CTCFL: variants seen among roughly 807,000 people sequenced by gnomAD.
The protein encoded by CTCFL is CCCTC-binding factor like.
Under a neutral mutation model 67.4 loss-of-function variants are expected in CTCFL, and 36 were observed. The observed-to-expected ratio is 0.53, with a 90% CI of 0.41 to 0.71. The LOEUF (loss-of-function observed/expected upper bound fraction) is 0.71. Ranked by LOEUF, CTCFL falls within the 30% of genes least tolerant of loss-of-function variation. The pLI, the probability that CTCFL is intolerant of heterozygous loss-of-function variation, is 0.00. For missense variants in CTCFL, 786 were observed against 835.2 expected (o/e 0.94, Z 0.73); for synonymous variants, 324 against 302.3 (o/e 1.07, Z -0.75).
chr20:57,519,490 C>A (rs2146429199), intron 3 of CTCFL, 113 bp from the exon 4 acceptor site: 6 of 867,226 alleles, frequency 6.9e-6, no homozygotes, highest in Non-Finnish European at 1.1e-5. Context: ...AACAATAGCA[C>A]ATGCTATTTA....
chr20:57,524,627 G>GCA (rs2146485417), intron 1 of CTCFL: 1 of 1,022,102 alleles, frequency 9.8e-7, no homozygotes, highest in Non-Finnish European at 1.2e-6. Context: ...CTCGGCCAGT[G>GCA]CATATCCTGG....
intron 7 of CTCFL, among the ~76,000 whole-genome samples, chr20:57,514,074 G>T (rs546653207): frequency 6.6e-6 from 1 of 152,302 alleles, no homozygotes; most frequent in East Asian, 1.9e-4. Context: ...CACGTTACAG[G>T]CCCGCCTCCT....
At chr20:57,508,410 G>T (rs1470864209) in intron 9 of CTCFL, among the ~76,000 whole-genome samples, 196 bp downstream of exon 9, 1 of 150,436 alleles carries the variant, frequency 6.6e-6, no homozygotes, top group Admixed American at 6.6e-5. Flanking sequence ...GGGATGAGGA[G>T]ACCACACTTT....
Position 57,524,143 on chromosome 20 carries a change from CA to C in CTCFL, c.62del (p.Leu21Ter), listed in dbSNP as rs1202769730. 6.2e-7 allele frequency: 1 copy of C among 1,613,496 alleles called. No homozygotes were observed. The highest frequency in any genetic ancestry group is 1.3e-5 in the African/African-American group (1 of 74,896). ...EQFTKIKELE[L>X]MPEKGLKEEE... ...CCTCCTTCAGGCCTTTTTCCGGCAT[CA>C]ACTCGAGTTCTTTGATCTTGGTGAA... On this transcript the variant is annotated frameshift_variant, in exon 2 of 11. Coordinates refer to ENST00000243914, the MANE Select transcript of CTCFL (RefSeq NM_001386993.1). LOFTEE classifies it high-confidence loss of function.
intron 7 of CTCFL, 73 bp downstream of exon 7, chr20:57,514,519 T>G: frequency 1.6e-5 from 25 of 1,559,426 alleles, no homozygotes; most frequent in Non-Finnish European, 2.1e-5. Flanking sequence ...GCCAGTACTT[T>G]GCAGGTTTAT....
At chr20:57,524,752 A>G (rs2069731873) in intron 1 of CTCFL, 1 of 987,460 alleles carries the variant, frequency 1.0e-6, no homozygotes, top group African/African-American at 1.7e-5. Context: ...TAGCACCCTC[A>G]GAGCCAGGCA....
At chr20:57,518,114 G>A (rs1276253517) in intron 5 of CTCFL, among the ~76,000 whole-genome samples, 1 of 152,122 alleles carries the variant, frequency 6.6e-6, no homozygotes, top group East Asian at 1.9e-4. Context: ...GTCCCGACCA[G>A]GCTCAAAACC....
chr20:57,501,692 G>A (rs1017400673), intron 10 of CTCFL, among the ~76,000 whole-genome samples: 3 of 152,138 alleles, frequency 2.0e-5, no homozygotes, highest in African/African-American at 7.2e-5. Context: ...GGAGGATGGC[G>A]GGAACTCCAG....
intron 3 of CTCFL, among the ~76,000 whole-genome samples, chr20:57,522,431 C>T (rs1600682813): frequency 6.6e-6 from 1 of 152,302 alleles, no homozygotes; most frequent in South Asian, 2.1e-4. Context: ...ATCCTGTGGG[C>T]TGCTGGAATG....
chr20:57,518,800 C>T lies in CTCFL; in HGVS notation c.1017G>A (p.Glu339=), dbSNP rs1462096521. 6.2e-7 allele frequency: 1 copy of T among 1,614,170 alleles called. No individual in the cohort carries two copies. Among genetic ancestry groups the T allele is most frequent in the Non-Finnish European group, 8.5e-7 (1 of 1,180,050 alleles). Residue 339 remains glutamate (E), a synonymous_variant, in exon 5 of 11, where the codon GAG becomes GAA. Transcript: ENST00000243914. ...TGCACATGGAACATTTAAAGGGTTT[C>T]TCATGAGTATGTTTATAGCGCCTGT... ...VRHRRYKHTH[E]KPFKCSMCKY...
intron 9 of CTCFL, among the ~76,000 whole-genome samples, chr20:57,506,231 G>T (rs2068201744): frequency 6.6e-6 from 1 of 152,222 alleles, no homozygotes; most frequent in Admixed American, 6.5e-5. Flanking sequence ...TTGCCCTGGT[G>T]ATTAATGACG....
In CTCFL at chr20:57,498,221, G is replaced by T; in HGVS notation, c.*329C>A. 2 of 1,010,442 alleles carry T rather than the reference G, an allele frequency of 2.0e-6. No homozygotes were observed. The highest frequency in any genetic ancestry group is 2.4e-6 in the Non-Finnish European group (2 of 846,398). The allele number at this position is 1,010,442 out of a possible 1,614,324, so 62.6% of individuals were successfully genotyped here. A position where few individuals can be genotyped will look rare whatever the true frequency, so the allele number is the denominator to read the frequency against. On this transcript the variant is annotated 3_prime_UTR_variant, in exon 11 of 11. Transcript: ENST00000243914. ...GCCACCTTGCCAATATCAAGTGAAT[G>T]AATCCATAGGTTTGAGGTGTTACCC...
intron 9 of CTCFL, among the ~76,000 whole-genome samples, chr20:57,506,043 T>C (rs1175390896): frequency 6.6e-6 from 1 of 152,228 alleles, no homozygotes; most frequent in Admixed American, 6.5e-5. Context: ...TCTTCCATTT[T>C]ATGCTTAGAC....
At chr20:57,506,917 G>C (rs1224018232) in intron 9 of CTCFL, 1 of 985,196 alleles carries the variant, frequency 1.0e-6, no homozygotes, top group Non-Finnish European at 1.2e-6. Context: ...TGACATTCCA[G>C]AACTATCCCA....
At chr20:57,518,478 T>C in intron 5 of CTCFL, 1 of 1,379,826 alleles carries the variant, frequency 7.2e-7, no homozygotes, top group South Asian at 1.6e-5. Context: ...TGCAGAACTT[T>C]TAAACAAATC....
At position 57,506,251 on chromosome 20, in the gene CTCFL, C is replaced by T. The variant is rs935126061; in HGVS notation, c.1674+2355G>A. Among the ~76,000 whole-genome samples the T allele has an allele frequency of 5.9e-5, 9 of 152,356 alleles. No individual in the cohort carries two copies. The South Asian group carries it at 1.9e-3, about 32-fold the overall frequency. On this transcript the variant is annotated intron_variant, in intron 9 of 10. Coordinates refer to ENST00000243914, the MANE Select transcript of CTCFL (RefSeq NM_001386993.1). The stretch of plus-strand genomic sequence containing the variant: ...CTGGTGATTAATGACGCTACGCTTA[C>T]TGGCCACCTGTATGTCTTCTTTGGA...
At chr20:57,521,401 T>C (rs536479742) in intron 3 of CTCFL, among the ~76,000 whole-genome samples, 2 of 152,266 alleles carry the variant, frequency 1.3e-5, no homozygotes, top group Non-Finnish European at 1.5e-5. Flanking sequence ...AATTAAACAA[T>C]AACAACAAAT....
chr20:57,516,964 C>A (rs774894538), intron 5 of CTCFL, among the ~76,000 whole-genome samples: 7 of 152,140 alleles, frequency 4.6e-5, no homozygotes, highest in Non-Finnish European at 8.8e-5. Context: ...CTGCATCAGT[C>A]CTGCTGGTGA....
intron 9 of CTCFL, among the ~76,000 whole-genome samples, chr20:57,505,419 C>A (rs1486572031): frequency 2.0e-5 from 3 of 151,648 alleles, no homozygotes; most frequent in Non-Finnish European, 3.0e-5. Context: ...CCACGCCCGG[C>A]TAATTTTTTG....
Sources: allele counts gnomAD v4.1 joint callset (sites outside exome capture counted in the v4.1 genomes callset), GRCh38; gene constraint gnomAD v4.1.1; transcripts MANE v1.5; gene names NCBI Gene and HGNC (gene_info 2026-07-23, HGNC 2026-07-21).